The following CADM2 variants were observed in gnomAD, a reference collection of about 807,000 sequenced individuals.
CADM2 encodes cell adhesion molecule 2, also known as immunoglobulin superfamily member 4D.
Under a neutral mutation model 49.8 loss-of-function variants are expected in CADM2, and 12 were observed. The ratio of observed to expected loss-of-function variants is 0.24; its 90% CI spans 0.15 to 0.39. CADM2 has a LOEUF of 0.39. Ranked by LOEUF, CADM2 falls within the 10% of genes least tolerant of loss-of-function variation. The probability of loss-of-function intolerance (pLI) is 1.00; values close to 1 mark genes in which losing one functional copy is unlikely to be tolerated. For missense variants in CADM2, 378 were observed against 492.3 expected (o/e 0.77, Z 2.20); for synonymous variants, 214 against 175.4 (o/e 1.22, Z -1.74).
intron 1 of CADM2, among the ~76,000 whole-genome samples, chr3:85,325,196 A>G (rs1005046123): frequency 6.6e-6 from 1 of 152,210 alleles, no homozygotes; most frequent in Admixed American, 6.5e-5. Flanking sequence ...GAGATCTTCA[A>G]CATCCTTTTC....
chr3:85,655,814 C>T (rs7643464), intron 1 of CADM2, among the ~76,000 whole-genome samples: 58,377 of 151,968 alleles, frequency 0.38, 12,324 homozygotes, highest in East Asian at 0.54. Flanking sequence ...CCCCAAGTTT[C>T]TTAGTAGGTG....
At chr3:85,674,345 T>C (rs2065830785) in intron 1 of CADM2, among the ~76,000 whole-genome samples, 1 of 152,154 alleles carries the variant, frequency 6.6e-6, no homozygotes, top group Non-Finnish European at 1.5e-5. Flanking sequence ...CTTACAGAAG[T>C]TGTTATTATT....
intron 1 of CADM2, among the ~76,000 whole-genome samples, chr3:85,291,643 T>G (rs377686240): frequency 0.19 from 26,960 of 141,258 alleles, 4,482 homozygotes; most frequent in African/African-American, 0.45. Context: ...TCAACATTCT[T>G]AAAGAAAAGA....
At chr3:85,011,681 G>A (rs535917662) in intron 1 of CADM2, among the ~76,000 whole-genome samples, 25 of 152,030 alleles carry the variant, frequency 1.6e-4, no homozygotes, top group African/African-American at 5.8e-4. Context: ...AGGATCGCTC[G>A]AGCTCAGCCT....
chr3:85,568,459 C>CTT (rs1305409411), intron 1 of CADM2, among the ~76,000 whole-genome samples: 11 of 35,842 alleles, frequency 3.1e-4, no homozygotes, highest in African/African-American at 8.4e-4. Flanking sequence ...TTCTTTCTTT[C>CTT]TTTCTCTTTC....
intron 1 of CADM2, among the ~76,000 whole-genome samples, chr3:85,318,186 A>G (rs1369743435): frequency 6.6e-6 from 1 of 151,352 alleles, no homozygotes; most frequent in Non-Finnish European, 1.5e-5. Context: ...AAAAAAAAGA[A>G]AAAAAGAAAA....
intron 1 of CADM2, among the ~76,000 whole-genome samples, chr3:85,621,646 T>C (rs1337142895): frequency 6.6e-6 from 1 of 152,192 alleles, no homozygotes; most frequent in Non-Finnish European, 1.5e-5. Flanking sequence ...GAATGGAAGC[T>C]CATTTCTAGT....
intron 1 of CADM2, among the ~76,000 whole-genome samples, chr3:85,010,510 T>G (rs2033936461): frequency 6.6e-6 from 1 of 152,150 alleles, no homozygotes; most frequent in Non-Finnish European, 1.5e-5. Context: ...ATTACTGACT[T>G]TGAAGCTGAA....
chr3:85,545,386 G>T (rs1259761836), intron 1 of CADM2, among the ~76,000 whole-genome samples: 2 of 152,146 alleles, frequency 1.3e-5, no homozygotes, highest in Non-Finnish European at 2.9e-5. Context: ...AATAGAAAAT[G>T]TAATTCTGTT....
intron 1 of CADM2, among the ~76,000 whole-genome samples, chr3:85,587,753 A>AT (rs925197121): frequency 1.1e-4 from 17 of 150,820 alleles, no homozygotes; most frequent in Admixed American, 5.3e-4. Context: ...GTTCAATGAC[A>AT]TTTTTTTTTG....
At chr3:85,303,397 T>C (rs976970370) in intron 1 of CADM2, among the ~76,000 whole-genome samples, 1 of 151,944 alleles carries the variant, frequency 6.6e-6, no homozygotes, top group African/African-American at 2.4e-5. Context: ...ACACCCACAC[T>C]GCGCAAAGTA....
At chr3:85,693,461 TC>T (rs2066449436) in intron 1 of CADM2, among the ~76,000 whole-genome samples, 1 of 146,936 alleles carries the variant, frequency 6.8e-6, no homozygotes, top group South Asian at 2.1e-4. Flanking sequence ...GCGCCTGTAG[TC>T]CCAGCAACTC....
At chr3:85,897,797 A>C (rs1715458032) in intron 5 of CADM2, among the ~76,000 whole-genome samples, 1 of 152,226 alleles carries the variant, frequency 6.6e-6, no homozygotes, top group Non-Finnish European at 1.5e-5. Context: ...TAAAATATTA[A>C]CATGTAAACC....
intron 1 of CADM2, among the ~76,000 whole-genome samples, chr3:85,179,867 A>G (rs975336561): frequency 1.3e-5 from 2 of 152,150 alleles, no homozygotes; most frequent in African/African-American, 4.8e-5. Flanking sequence ...AATATGACCA[A>G]TTGCACAAGT....
chr3:85,673,694 GAAGT>G (rs1344126799), intron 1 of CADM2, among the ~76,000 whole-genome samples: 3 of 151,984 alleles, frequency 2.0e-5, no homozygotes, highest in Non-Finnish European at 4.4e-5. Flanking sequence ...GAGAAAGAAA[GAAGT>G]AAGGAAGAAA....
intron 1 of CADM2, among the ~76,000 whole-genome samples, chr3:85,497,724 A>G (rs1323492843): frequency 6.6e-6 from 1 of 152,064 alleles, no homozygotes; most frequent in East Asian, 1.9e-4. Context: ...ATTTTTCTTA[A>G]AGCGTAACCA....
intron 1 of CADM2, among the ~76,000 whole-genome samples, chr3:85,594,053 T>A (rs1438746671): frequency 6.6e-6 from 1 of 151,998 alleles, no homozygotes; most frequent in African/African-American, 2.4e-5. Context: ...ATCCTGGCTA[T>A]TGCTGGTTAC....
chr3:85,027,391 G>A (rs1411443168), intron 1 of CADM2, among the ~76,000 whole-genome samples: 1 of 151,736 alleles, frequency 6.6e-6, no homozygotes, highest in Non-Finnish European at 1.5e-5. Context: ...GATTACAGGC[G>A]TAAGCCACCG....
chr3:85,400,911 T>C (rs1448569476), intron 1 of CADM2, among the ~76,000 whole-genome samples: 2 of 152,108 alleles, frequency 1.3e-5, no homozygotes, highest in Non-Finnish European at 2.9e-5. Context: ...CCTCCTTTAG[T>C]TGTGAATCAG....
Sources: allele counts gnomAD v4.1 joint callset (sites outside exome capture counted in the v4.1 genomes callset), GRCh38; gene constraint gnomAD v4.1.1; transcripts MANE v1.5; gene names NCBI Gene and HGNC (gene_info 2026-07-23, HGNC 2026-07-21).